Variants in UNC13C observed in about 807,000 individuals in gnomAD.
UNC13C encodes the protein protein unc-13 homolog C.
Under a neutral mutation model 245.4 loss-of-function variants are expected in UNC13C, and 174 were observed. The ratio of observed to expected loss-of-function variants is 0.71; its 90% CI spans 0.63 to 0.80. The LOEUF is 0.80. Ranked by LOEUF, UNC13C falls within the 30% of genes least tolerant of loss-of-function variation. The pLI, the probability that UNC13C is intolerant of heterozygous loss-of-function variation, is 0.00. For synonymous variants in UNC13C, 992 were observed against 895.1 expected, an observed-to-expected ratio of 1.11 and a Z score of -1.93; for missense variants, 2,829 against 2,602.9, an observed-to-expected ratio of 1.09 and a Z score of -1.89.
intron 24 of UNC13C, among the ~76,000 whole-genome samples, chr15:54,516,551 C>G (rs1381650100): frequency 6.6e-6 from 1 of 151,960 alleles, no homozygotes; most frequent in Non-Finnish European, 1.5e-5. Context: ...TCCTGTAATC[C>G]CAGCACTTTG....
chr15:53,905,341 ATTTCATCTTT>A, the UNC13C span, among the ~76,000 whole-genome samples: 1 of 151,056 alleles, frequency 6.6e-6, no homozygotes, highest in East Asian at 1.9e-4. Flanking sequence ...AATGTATAAG[ATTTCATCTTT>A]ATATATATAT....
intron 30 of UNC13C, among the ~76,000 whole-genome samples, chr15:54,573,852 T>C (rs1424956343): frequency 6.6e-6 from 1 of 152,170 alleles, no homozygotes; most frequent in African/African-American, 2.4e-5. Flanking sequence ...ATAGTAATAG[T>C]GCTCAGTCTA....
chr15:53,930,001 C>A, the UNC13C span, among the ~76,000 whole-genome samples: 1 of 152,208 alleles, frequency 6.6e-6, no homozygotes, highest in African/African-American at 2.4e-5. Context: ...GGTTTATTAT[C>A]TGTCACCATT....
Position 54,265,499 on chromosome 15 carries a change from G to C in UNC13C, c.3818+3G>C, listed in dbSNP as rs1321470074. 6.5e-7 allele frequency: 1 copy of C among 1,531,222 alleles called. No individual in the cohort carries two copies. The highest frequency in any genetic ancestry group is 2.4e-5 in the East Asian group (1 of 41,268). 94.9% of individuals were successfully genotyped at this position (1,531,222 alleles called of 1,614,324 possible). A position where few individuals can be genotyped will look rare whatever the true frequency, so the allele number is the denominator to read the frequency against. On this transcript the variant is annotated splice_donor_region_variant and intron_variant, in intron 10 of 32. Transcript: ENST00000260323. ...GTATGGGATGAGAAGTTTTATTTGT[G>C]AGTATATAATGTGAAACCTTTACAA...
chr15:54,120,346 T>C (rs1014421057), intron 2 of UNC13C, among the ~76,000 whole-genome samples: 47 of 152,180 alleles, frequency 3.1e-4, no homozygotes, highest in African/African-American at 1.1e-3. Context: ...GCTCTGTTAA[T>C]GGAGCCACAA....
chr15:53,985,168 G>C (rs143546567), intron 1 of UNC13C, among the ~76,000 whole-genome samples: 1 of 151,632 alleles, frequency 6.6e-6, no homozygotes, highest in East Asian at 2.0e-4. Flanking sequence ...TCAATGTTCA[G>C]CTCCCACTTA....
intron 4 of UNC13C, among the ~76,000 whole-genome samples, chr15:54,185,619 C>T (rs910300970): frequency 2.7e-5 from 4 of 146,664 alleles, no homozygotes; most frequent in Non-Finnish European, 4.4e-5. Flanking sequence ...TGTTCTGTTC[C>T]ATTGATCTAT....
At chr15:53,897,379 G>A in the UNC13C span, among the ~76,000 whole-genome samples, 1 of 152,158 alleles carries the variant, frequency 6.6e-6, no homozygotes, top group South Asian at 2.1e-4. Flanking sequence ...TATACTACTT[G>A]ATGCTTTGGG....
In UNC13C at chr15:54,130,308, T is replaced by TTTTTTTTTTTTTTG. The variant is rs67637704; in HGVS notation, c.2984-12710_2984-12709insTTTTTTTTTTTTTG. 2.5e-5 allele frequency among the ~76,000 whole-genome samples: 3 copies of TTTTTTTTTTTTTTG among 119,488 alleles called. 1 individual carries two copies. The highest frequency in any genetic ancestry group is 3.4e-5 in the Non-Finnish European group (2 of 58,590). 78.4% of individuals were successfully genotyped at this position (119,488 alleles called of 152,430 possible). On this transcript the variant is annotated intron_variant, in intron 2 of 32. Coordinates refer to ENST00000260323, the MANE Select transcript of UNC13C (RefSeq NM_001080534.3). The stretch of plus-strand genomic sequence containing the variant: ...ATTAATTTTTTTTTTTTTTTTTTTT[T>TTTTTTTTTTTTTTG]GTGAGACGGAGTCTCAGTCTGTCTC...
chr15:53,971,797 T>C, the UNC13C span, among the ~76,000 whole-genome samples: 2 of 152,198 alleles, frequency 1.3e-5, no homozygotes, highest in African/African-American at 4.8e-5. Flanking sequence ...CAGAGGTAAG[T>C]ATCTCTTCCT....
chr15:54,558,769 A>G (rs1897187340), intron 29 of UNC13C, among the ~76,000 whole-genome samples: 1 of 151,992 alleles, frequency 6.6e-6, no homozygotes, highest in Non-Finnish European at 1.5e-5. Flanking sequence ...CAACCAAATC[A>G]ACAATGTTTG....
At position 54,551,433 on chromosome 15, in the gene UNC13C, C is replaced by A. The variant is rs375366017; in HGVS notation, c.5877+1742C>A. 4.6e-5 allele frequency among the ~76,000 whole-genome samples: 7 copies of A among 152,038 alleles called. No homozygotes were observed. In the South Asian group the frequency reaches 6.2e-4, roughly 14 times the overall value. On this transcript the variant is annotated intron_variant, in intron 28 of 32. Coordinates refer to ENST00000260323, the MANE Select transcript of UNC13C (RefSeq NM_001080534.3). Reference sequence around the variant, plus strand: ...CAATTGGCTTAACTGACATACTCACCCTGAGGTTTGGGTACAACCCAATCC... The same window carrying A: ...CAATTGGCTTAACTGACATACTCACACTGAGGTTTGGGTACAACCCAATCC...
At chr15:54,548,622 T>A (rs963346451) in intron 27 of UNC13C, among the ~76,000 whole-genome samples, 1 of 152,130 alleles carries the variant, frequency 6.6e-6, no homozygotes, top group Non-Finnish European at 1.5e-5. Flanking sequence ...ATTGCTGTTT[T>A]TCCCATAAGC....
Position 54,212,021 on chromosome 15 carries a change from T to A in UNC13C, c.3072-23009T>A, listed in dbSNP as rs572837077. Among the ~76,000 whole-genome samples the A allele has an allele frequency of 3.3e-5, 5 of 152,228 alleles. No homozygotes were observed. In the South Asian group the frequency reaches 1.0e-3, roughly 32 times the overall value. Reference sequence around the variant, plus strand: ...GGGTCCTAATTGTCAGTAGCTCAGATGCTTTAGCTTACACAAGGAGGCTAA... The same window carrying A: ...GGGTCCTAATTGTCAGTAGCTCAGAAGCTTTAGCTTACACAAGGAGGCTAA... On this transcript the variant is annotated intron_variant, in intron 4 of 32. Coordinates refer to ENST00000260323, the MANE Select transcript of UNC13C (RefSeq NM_001080534.3).
At chr15:54,041,029 T>G (rs1451959455) in intron 2 of UNC13C, among the ~76,000 whole-genome samples, 1 of 152,244 alleles carries the variant, frequency 6.6e-6, no homozygotes, top group Non-Finnish European at 1.5e-5. Flanking sequence ...ATCCACTTAA[T>G]ATACTCATTG....
Position 54,457,892 on chromosome 15 carries a change from G to A in UNC13C, c.4934-36716G>A, listed in dbSNP as rs1010320496. On this transcript the variant is annotated intron_variant, in intron 19 of 32. Coordinates refer to ENST00000260323, the MANE Select transcript of UNC13C (RefSeq NM_001080534.3). Reference sequence around the variant, plus strand: ...TTCATGTAGTTCTGCTCTGCTTTTCGTTTTTTTTTTTTTCCTTTTTTTTTT... The same window carrying A: ...TTCATGTAGTTCTGCTCTGCTTTTCATTTTTTTTTTTTTCCTTTTTTTTTT... 7.3e-5 allele frequency among the ~76,000 whole-genome samples: 9 copies of A among 122,992 alleles called. No homozygotes were observed. In the East Asian group the frequency reaches 9.5e-4, roughly 13 times the overall value. 80.7% of individuals were successfully genotyped at this position (122,992 alleles called of 152,430 possible).
At chr15:54,481,622 A>G (rs1596458900) in intron 19 of UNC13C, among the ~76,000 whole-genome samples, 3 of 152,154 alleles carry the variant, frequency 2.0e-5, no homozygotes, top group Admixed American at 2.0e-4. Context: ...AAAATAGCAG[A>G]ATGCTGCAGC....
chr15:54,267,499 G>A (rs2036576570), intron 10 of UNC13C, among the ~76,000 whole-genome samples: 2 of 152,090 alleles, frequency 1.3e-5, no homozygotes, highest in African/African-American at 4.8e-5. Flanking sequence ...TCTATTCTCA[G>A]TGAACTGAGA....
In UNC13C at chr15:54,018,936, C is replaced by G. The variant is rs1160103747; in HGVS notation, c.2983+3050C>G. On this transcript the variant is annotated intron_variant, in intron 2 of 32. Transcript: ENST00000260323. ...AGGTGGGATACTAAATAAAAAAACA[C>G]AAACTTTAAAGTCAAATCCAAATTC... 7.9e-5 allele frequency among the ~76,000 whole-genome samples: 12 copies of G among 152,060 alleles called. 1 individual carries two copies. Among genetic ancestry groups the G allele is most frequent in the Non-Finnish European group, 1.2e-4 (8 of 68,014 alleles).
Sources: gnomAD v4.1 joint callset for allele counts (sites outside exome capture counted in the v4.1 genomes callset) on GRCh38, gnomAD v4.1.1 for gene constraint, MANE v1.5 for transcripts, NCBI Gene and HGNC (gene_info 2026-07-23, HGNC 2026-07-21) for gene names.